The following CDYL variants were observed in gnomAD, a reference collection of about 807,000 sequenced individuals.
The protein encoded by CDYL is chromodomain Y like, also known as chromodomain Y-like protein.
Under a neutral mutation model 47.3 loss-of-function variants are expected in CDYL, and 8 were observed. That is an observed-to-expected ratio of 0.17 (90% CI 0.10 to 0.31). The LOEUF is 0.31. Ranked by LOEUF, CDYL falls within the 10% of genes least tolerant of loss-of-function variation. The probability of loss-of-function intolerance (pLI) is 1.00; values close to 1 mark genes in which losing one functional copy is unlikely to be tolerated. For synonymous variants in CDYL, 266 were observed against 265.0 expected (o/e 1.00, Z -0.04); for missense variants, 471 against 701.4 (o/e 0.67, Z 3.71).
intron 1 of CDYL, among the ~76,000 whole-genome samples, chr6:4,829,270 G>A (rs1760067491): frequency 6.6e-6 from 1 of 152,104 alleles, no homozygotes; most frequent in Non-Finnish European, 1.5e-5. Context: ...AGAATTGGCT[G>A]TTTAGTGACA....
chr6:4,755,571 C>A (rs891954650), intron 3 of CDYL, among the ~76,000 whole-genome samples: 2 of 152,174 alleles, frequency 1.3e-5, no homozygotes, highest in Admixed American at 6.5e-5. Context: ...CTTCTACTGT[C>A]ACCTCAAATT....
chr6:4,716,243 T>C (rs1456971225), intron 2 of CDYL, among the ~76,000 whole-genome samples: 1 of 130,966 alleles, frequency 7.6e-6, no homozygotes, highest in Non-Finnish European at 1.6e-5. Flanking sequence ...CAAGACTCCA[T>C]CTCAAAAAAA....
intron 1 of CDYL, among the ~76,000 whole-genome samples, chr6:4,797,662 T>G (rs1352150930): frequency 6.6e-6 from 1 of 152,196 alleles, no homozygotes. Flanking sequence ...AGTTTGTTTA[T>G]CCTGTACATG....
chr6:4,737,058 G>C (rs572224466), intron 3 of CDYL, among the ~76,000 whole-genome samples: 1 of 152,232 alleles, frequency 6.6e-6, no homozygotes, highest in Admixed American at 6.5e-5. Flanking sequence ...GGGGAGTAGA[G>C]ATGGAAATTG....
At chr6:4,923,550 T>A (rs1757778075) in intron 2 of CDYL, among the ~76,000 whole-genome samples, 1 of 152,206 alleles carries the variant, frequency 6.6e-6, no homozygotes, top group African/African-American at 2.4e-5. Context: ...GATGCCTCTT[T>A]GACGTGCTGA....
At chr6:4,720,315 G>A (rs916526700) in intron 2 of CDYL, among the ~76,000 whole-genome samples, 7 of 152,268 alleles carry the variant, frequency 4.6e-5, no homozygotes, top group Middle Eastern at 3.4e-3. Flanking sequence ...AATGAATGAC[G>A]ACTGATCTTT....
At chr6:4,723,621 C>CTT (rs1350642367) in intron 2 of CDYL, among the ~76,000 whole-genome samples, 3 of 152,170 alleles carry the variant, frequency 2.0e-5, no homozygotes, top group African/African-American at 7.2e-5. Flanking sequence ...ACCCTACAGA[C>CTT]TAGCACTGTG....
At chr6:4,725,228 C>T (rs1001867218) in intron 2 of CDYL, among the ~76,000 whole-genome samples, 12 of 152,256 alleles carry the variant, frequency 7.9e-5, no homozygotes, top group South Asian at 2.1e-4. Flanking sequence ...TAAAGGTTCT[C>T]CAAGTCCCCA....
At chr6:4,716,074 C>T (rs57120693) in intron 2 of CDYL, among the ~76,000 whole-genome samples, 2,388 of 149,072 alleles carry the variant, frequency 0.016, 68 homozygotes, top group African/African-American at 0.058. Flanking sequence ...CGGTGAAACC[C>T]CGTCTCTACT....
chr6:4,747,071 G>A (rs895017317), intron 3 of CDYL, among the ~76,000 whole-genome samples: 1 of 152,266 alleles, frequency 6.6e-6, no homozygotes, highest in East Asian at 1.9e-4. Context: ...CACTTTGGGA[G>A]GTCGAGGCGG....
chr6:4,879,824 T>A (rs1256911038), intron 1 of CDYL, among the ~76,000 whole-genome samples: 1 of 152,148 alleles, frequency 6.6e-6, no homozygotes, highest in African/African-American at 2.4e-5. Flanking sequence ...CCTCCGAAAG[T>A]ACTGGGATTA....
At position 4,891,725 on chromosome 6, in the gene CDYL, G is replaced by A; in HGVS notation, c.37G>A (p.Val13Ile). The A allele has an allele frequency of 1.2e-6, 2 of 1,612,214 alleles. No individual in the cohort carries two copies. Among genetic ancestry groups the A allele is most frequent in the Non-Finnish European group, 8.5e-7 (1 of 1,179,040 alleles). The change falls in exon 2 of 7, where the codon GTT (valine) becomes ATT (isoleucine). Residue 13 changes from valine to isoleucine, a missense_variant. Physicochemically the swap from Val to Ile is conservative, Grantham distance 29. This residue lies in a region of CDYL where 311 missense variants were observed against 350.0 expected (regional missense o/e 0.89). Coordinates refer to ENST00000397588, the MANE Select transcript of CDYL (RefSeq NM_004824.4). ...CTTTTATGAACAGGTTGAAAGGATT[G>A]TTGACAAAAGGAAAAATAAAAAAGG... is the stretch of plus-strand genomic sequence containing the variant. ...SEELYEVERI[V>I]DKRKNKKGKT...
At chr6:4,934,849 G>A (rs997730553) in intron 2 of CDYL, among the ~76,000 whole-genome samples, 4 of 152,170 alleles carry the variant, frequency 2.6e-5, no homozygotes, top group Admixed American at 6.5e-5. Context: ...ACGAGGGAAC[G>A]TTGGCAGGAT....
chr6:4,743,192 T>G (rs1434773327), intron 3 of CDYL, among the ~76,000 whole-genome samples: 1 of 152,204 alleles, frequency 6.6e-6, no homozygotes, highest in African/African-American at 2.4e-5. Flanking sequence ...TCTTTGTGTC[T>G]GGGCTTGTTT....
intron 2 of CDYL, among the ~76,000 whole-genome samples, chr6:4,920,506 C>G (rs1156342042): frequency 1.3e-5 from 2 of 152,224 alleles, no homozygotes; most frequent in African/African-American, 2.4e-5. Context: ...GTCATGCAAA[C>G]AGTGGAGGGC....
At chr6:4,832,514 C>G (rs1457791403) in intron 1 of CDYL, among the ~76,000 whole-genome samples, 1 of 151,072 alleles carries the variant, frequency 6.6e-6, no homozygotes, top group African/African-American at 2.5e-5. Context: ...CAATGTTCAT[C>G]AAGGATATTG....
chr6:4,931,397 G>C (rs754617210), intron 2 of CDYL, among the ~76,000 whole-genome samples: 6 of 152,216 alleles, frequency 3.9e-5, no homozygotes, highest in Non-Finnish European at 5.9e-5. Flanking sequence ...CTGAGATGCT[G>C]AAATTTGAGC....
intron 1 of CDYL, among the ~76,000 whole-genome samples, chr6:4,873,898 A>G (rs1264390564): frequency 6.6e-6 from 1 of 152,104 alleles, no homozygotes; most frequent in Non-Finnish European, 1.5e-5. Flanking sequence ...CTGCTTGCTC[A>G]TTCTGGTTCC....
intron 1 of CDYL, among the ~76,000 whole-genome samples, chr6:4,856,383 C>G (rs758979267): frequency 6.6e-6 from 1 of 152,136 alleles, no homozygotes; most frequent in African/African-American, 2.4e-5. Context: ...GCAGACAGGA[C>G]TTTGTAGGCA....
Sources: gnomAD v4.1 joint callset for allele counts (sites outside exome capture counted in the v4.1 genomes callset) on GRCh38, gnomAD v4.1.1 for gene constraint, gnomAD v4.1.1 regional missense constraint, MANE v1.5 for transcripts, NCBI Gene and HGNC (gene_info 2026-07-23, HGNC 2026-07-21) for gene names.